The following PON2 variants were observed in gnomAD, a reference collection of about 807,000 sequenced individuals.
The protein encoded by PON2 is serum paraoxonase/arylesterase 2.
In PON2, 27 loss-of-function variants were observed where a neutral mutation model predicts 36.6. That is an observed-to-expected ratio of 0.74 (90% CI 0.54 to 1.02). The LOEUF is 1.02. Ranked by LOEUF, PON2 falls within the 50% of genes least tolerant of loss-of-function variation. PON2 has a pLI of 0.00. For missense variants in PON2, 363 were observed against 421.1 expected (o/e 0.86, Z 1.21); for synonymous variants, 149 against 156.3 (o/e 0.95, Z 0.35).
At chr7:95,429,464 T>C (rs1465762393) in intron 1 of PON2, among the ~76,000 whole-genome samples, 1 of 152,198 alleles carries the variant, frequency 6.6e-6, no homozygotes, top group Non-Finnish European at 1.5e-5. Flanking sequence ...TCCAAGTCTT[T>C]GCTATTGTGA....
At position 95,412,472 on chromosome 7, in the gene PON2, T is replaced by C. The variant is rs1238402741; in HGVS notation, c.207A>G (p.Leu69=). 2 of 1,614,038 alleles carry C rather than the reference T, an allele frequency of 1.2e-6. No individual in the cohort carries two copies. Among genetic ancestry groups the C allele is most frequent in the Non-Finnish European group, 8.5e-7 (1 of 1,179,890 alleles). Residue 69 remains leucine (L), a synonymous_variant, in exon 4 of 9, where the codon CTA becomes CTG. Coordinates refer to ENST00000222572, the MANE Select transcript of PON2 (RefSeq NM_000305.3). ...PNGLAFFSVG[L]KFPGLHSFAP... ...CAAAGCTGTGGAGTCCTGGGAATTTTAGACCCTTTCCAAAACGGTGAAAAA... is the reference window on the plus strand; with the variant it reads ...CAAAGCTGTGGAGTCCTGGGAATTTCAGACCCTTTCCAAAACGGTGAAAAA...
chr7:95,423,009 T>C (rs568631551), intron 2 of PON2, among the ~76,000 whole-genome samples: 1 of 152,298 alleles, frequency 6.6e-6, no homozygotes, highest in Admixed American at 6.5e-5. Context: ...TTTCTAATCA[T>C]ACCATGAACC....
intron 3 of PON2, among the ~76,000 whole-genome samples, chr7:95,414,026 A>AT (rs1179212782): frequency 2.0e-5 from 3 of 152,150 alleles, no homozygotes; most frequent in Non-Finnish European, 2.9e-5. Context: ...TTATTTAAGT[A>AT]TTTTTTCTCT....
chr7:95,406,258 AG>A lies in PON2; in HGVS notation c.778-12del. ...ATCCAGCTCAAGTACCTTCCAAATG[AG>A]AAATTGTCAAAATCTAAATGACATG... On this transcript the variant is annotated splice_polypyrimidine_tract_variant and intron_variant, in intron 7 of 8. Transcript: ENST00000222572. The A allele has an allele frequency of 6.2e-6, 10 of 1,608,430 alleles. No homozygotes were observed. Among genetic ancestry groups the A allele is most frequent in the Non-Finnish European group, 8.5e-6 (10 of 1,174,990 alleles).
chr7:95,411,936 C>G lies in PON2; in HGVS notation c.368-157G>C, dbSNP rs143925822. On this transcript the variant is annotated intron_variant, in intron 4 of 8. Transcript: ENST00000222572. The stretch of plus-strand genomic sequence containing the variant: ...CTCTGTCTTTCCTATTGCTGTCCGT[C>G]TGGTGTTATTTCTGATCATTGGCTC... Among the ~76,000 whole-genome samples the G allele has an allele frequency of 1.1e-3, 168 of 152,344 alleles. 1 individual carries two copies. Among genetic ancestry groups the G allele is most frequent in the African/African-American group, 3.7e-3 (154 of 41,580 alleles).
intron 1 of PON2, among the ~76,000 whole-genome samples, chr7:95,431,068 T>C (rs901695244): frequency 1.3e-5 from 2 of 152,124 alleles, no homozygotes; most frequent in Non-Finnish European, 2.9e-5. Flanking sequence ...AGCCTCATGA[T>C]TCATCCATGG....
chr7:95,433,532 A>T (rs1789490804), intron 1 of PON2, among the ~76,000 whole-genome samples: 2 of 152,198 alleles, frequency 1.3e-5, no homozygotes, highest in Non-Finnish European at 2.9e-5. Flanking sequence ...ACAACTAGTT[A>T]TATTAAGTTC....
chr7:95,411,503 ATTTATAAATAAGGAAAT>A, intron 5 of PON2, 133 bp downstream of exon 5: 1 of 1,016,942 alleles, frequency 9.8e-7, no homozygotes, highest in East Asian at 2.6e-5. Context: ...ATACACACAC[ATTTATAAATAAGGAAAT>A]ATAAGCTCTT....
chr7:95,427,132 A>C (rs1789334780), intron 1 of PON2, among the ~76,000 whole-genome samples: 1 of 152,120 alleles, frequency 6.6e-6, no homozygotes, highest in Admixed American at 6.5e-5. Context: ...CTACTTAACT[A>C]ATTTTTTTCT....
intron 2 of PON2, among the ~76,000 whole-genome samples, chr7:95,423,913 T>C (rs893607618): frequency 3.9e-5 from 6 of 152,060 alleles, no homozygotes; most frequent in African/African-American, 1.2e-4. Context: ...GAAAAGCCCT[T>C]ATAAAACCAT....
chr7:95,429,182 CCT>C (rs2116505521), intron 1 of PON2, among the ~76,000 whole-genome samples: 1 of 150,570 alleles, frequency 6.6e-6, no homozygotes, highest in African/African-American at 2.4e-5. Context: ...ATCCCTCCCC[CCT>C]CCCCCTACCC....
chr7:95,417,977 A>G (rs1789109507), intron 2 of PON2, among the ~76,000 whole-genome samples: 1 of 152,112 alleles, frequency 6.6e-6, no homozygotes, highest in African/African-American at 2.4e-5. Context: ...AAGGAAAGAG[A>G]AATCTTTTTT....
chr7:95,412,171 A>T, intron 4 of PON2, 141 bp downstream of exon 4: 1 of 1,173,834 alleles, frequency 8.5e-7, no homozygotes, highest in Non-Finnish European at 1.2e-6. Flanking sequence ...CAAATGAACA[A>T]GTTCTTTGTA....
rs1213495224 is a variant in PON2 at position 95,406,259 on chromosome 7, G to T, written c.778-12C>A. The stretch of plus-strand genomic sequence containing the variant: ...TCCAGCTCAAGTACCTTCCAAATGA[G>T]AAATTGTCAAAATCTAAATGACATG... On this transcript the variant is annotated splice_polypyrimidine_tract_variant and intron_variant, in intron 7 of 8. Transcript: ENST00000222572. The T allele has an allele frequency of 6.2e-7, 1 of 1,608,058 alleles. No individual in the cohort carries two copies. Among genetic ancestry groups the T allele is most frequent in the African/African-American group, 1.3e-5 (1 of 74,754 alleles).
intron 1 of PON2, 108 bp from the exon 2 acceptor site, chr7:95,424,693 T>C: frequency 1.2e-6 from 1 of 809,976 alleles, no homozygotes; most frequent in Non-Finnish European, 2.0e-6. Flanking sequence ...TAAAACACAG[T>C]TTAAGTCTAA....
intron 3 of PON2, among the ~76,000 whole-genome samples, chr7:95,414,180 T>C (rs1241828084): frequency 6.6e-6 from 1 of 152,234 alleles, no homozygotes; most frequent in African/African-American, 2.4e-5. Context: ...CAATTCTTCA[T>C]GAAGTGTGAC....
chr7:95,435,028 T>C lies in PON2; in HGVS notation c.-77A>G, dbSNP rs953746104. 4.3e-6 allele frequency: 6 copies of C among 1,402,096 alleles called. No homozygotes were observed. The highest frequency in any genetic ancestry group is 2.6e-5 in the Admixed American group (1 of 38,152). 86.9% of individuals were successfully genotyped at this position (1,402,096 alleles called of 1,614,324 possible). ...GGGCGGTGCCATCTTCCCGGCTCGA[T>C]GGTGCCGGCCGCGCTCCGCCCCGTC... On this transcript the variant is annotated 5_prime_UTR_variant, in exon 1 of 9. Coordinates refer to ENST00000222572, the MANE Select transcript of PON2 (RefSeq NM_000305.3).
chr7:95,431,783 A>T (rs1789447877), intron 1 of PON2, among the ~76,000 whole-genome samples: 1 of 152,110 alleles, frequency 6.6e-6, no homozygotes, highest in Admixed American at 6.5e-5. Flanking sequence ...GCACTCGAAC[A>T]TATGATAAAA....
Position 95,409,980 on chromosome 7 carries a change from AAAC to A in PON2, c.613_615del (p.Val205del), listed in dbSNP as rs574854691. The A allele has an allele frequency of 1.4e-4, 229 of 1,613,786 alleles. 1 individual carries two copies. Among genetic ancestry groups the A allele is most frequent in the Middle Eastern group, 1.6e-4 (1 of 6,082 alleles). On this transcript the variant is annotated inframe_deletion, in exon 6 of 9. Coordinates refer to ENST00000222572, the MANE Select transcript of PON2 (RefSeq NM_000305.3). ...ACTTTAACTTCATTTGGACTGTAGTAAACAACATTTGCCCAGTGTAAGTTCAAG... is the reference window on the plus strand; with the variant it reads ...ACTTTAACTTCATTTGGACTGTAGTAAACATTTGCCCAGTGTAAGTTCAAG...
Sources: allele counts gnomAD v4.1 joint callset (sites outside exome capture counted in the v4.1 genomes callset), GRCh38; gene constraint gnomAD v4.1.1; transcripts MANE v1.5; gene names NCBI Gene and HGNC (gene_info 2026-07-23, HGNC 2026-07-21).